The following XPNPEP1 variants were observed in gnomAD, a reference collection of about 807,000 sequenced individuals.
The protein encoded by XPNPEP1 is xaa-Pro aminopeptidase 1.
Under a neutral mutation model 92.4 loss-of-function variants are expected in XPNPEP1, and 39 were observed. That is an observed-to-expected ratio of 0.42 (90% CI 0.33 to 0.55). XPNPEP1 has a LOEUF of 0.55. Ranked by LOEUF, XPNPEP1 falls within the 20% of genes least tolerant of loss-of-function variation. The probability of loss-of-function intolerance (pLI) is 0.08; values close to 1 mark genes in which losing one functional copy is unlikely to be tolerated. For synonymous variants in XPNPEP1, 307 were observed against 299.4 expected, an observed-to-expected ratio of 1.03 and a Z score of -0.26; for missense variants, 654 against 856.1, an observed-to-expected ratio of 0.76 and a Z score of 2.95.
intron 16 of XPNPEP1, among the ~76,000 whole-genome samples, chr10:109,872,666 AG>A (rs1439609615): frequency 1.3e-5 from 2 of 152,272 alleles, no homozygotes; most frequent in Non-Finnish European, 2.9e-5. Context: ...ATCTTCCTGA[AG>A]GAGCTCTCTT....
chr10:109,880,916 T>A lies in XPNPEP1; in HGVS notation c.1057A>T (p.Met353Leu), dbSNP rs1848057025. The change falls in exon 11 of 21, where the codon ATG becomes TTG. Residue 353 changes from methionine to leucine, a missense_variant. By Grantham distance (15) the Met-to-Leu change is conservative. Coordinates refer to ENST00000502935, the MANE Select transcript of XPNPEP1 (RefSeq NM_020383.4). ...GCGATGCAGATGGGGGTGTAAGGCA[T>A]ACAGCAGCGGTGGTCCTAGAGGCAA... ...ETIPKDHRCC[M>L]PYTPICIAKA... is the part of the protein sequence containing the mutation. 4.3e-6 allele frequency: 7 copies of A among 1,613,852 alleles called. No individual in the cohort carries two copies. In the South Asian group the frequency reaches 6.6e-5, roughly 15 times the overall value.
Position 109,907,752 on chromosome 10 carries a change from T to G in XPNPEP1, c.185A>C (p.Asn62Thr). The change falls in exon 3 of 21, where the codon AAC (asparagine) becomes ACC (threonine). Residue 62 changes from asparagine to threonine, a missense_variant. Physicochemically the swap from Asn to Thr is moderately conservative, Grantham distance 65 (BLOSUM62 0). Transcript: ENST00000502935. ...LLRQLRQAMR[N>T]SEYVTEPIQA... ...GATCGGTTCGGTCACATACTCAGAG[T>G]TCCTCATGGCTTGTCTCAGCTGCCG... is the stretch of plus-strand genomic sequence containing the variant. 1.2e-6 allele frequency: 2 copies of G among 1,614,064 alleles called. No homozygotes were observed. Among genetic ancestry groups the G allele is most frequent in the Non-Finnish European group, 8.5e-7 (1 of 1,180,014 alleles).
intron 1 of XPNPEP1, chr10:109,915,315 T>C (rs1850124129): frequency 2.8e-6 from 1 of 356,944 alleles, no homozygotes; most frequent in Non-Finnish European, 5.0e-6. Flanking sequence ...TTGCAGCTTC[T>C]AGTTCATAAA....
intron 10 of XPNPEP1, among the ~76,000 whole-genome samples, chr10:109,881,925 G>A (rs1848122941): frequency 1.3e-5 from 2 of 152,288 alleles, no homozygotes; most frequent in South Asian, 4.1e-4. Flanking sequence ...AGCCTCAAGT[G>A]TCCTTAGCTA....
At position 109,891,711 on chromosome 10, in the gene XPNPEP1, C is replaced by T. The variant is rs1848712625; in HGVS notation, c.415+11G>A. The T allele has an allele frequency of 6.4e-7, 1 of 1,559,608 alleles. No individual in the cohort carries two copies. Among genetic ancestry groups the T allele is most frequent in the Non-Finnish European group, 8.6e-7 (1 of 1,159,064 alleles). Reference sequence around the variant, plus strand: ...GCCAACTAAGTTTGGGCTAGCCATGCCTGTACCCACCCATCTTCATAAGTG... The same window carrying T: ...GCCAACTAAGTTTGGGCTAGCCATGTCTGTACCCACCCATCTTCATAAGTG... On this transcript the variant is annotated intron_variant, in intron 5 of 20. Coordinates refer to ENST00000502935, the MANE Select transcript of XPNPEP1 (RefSeq NM_020383.4).
intron 3 of XPNPEP1, among the ~76,000 whole-genome samples, chr10:109,895,717 G>A (rs1431970849): frequency 6.6e-6 from 1 of 152,216 alleles, no homozygotes; most frequent in African/African-American, 2.4e-5. Flanking sequence ...TAGCATGCTA[G>A]GAAAAAGGCA....
chr10:109,903,476 T>C (rs1454029017), intron 3 of XPNPEP1, among the ~76,000 whole-genome samples: 1 of 152,108 alleles, frequency 6.6e-6, no homozygotes, highest in Non-Finnish European at 1.5e-5. Context: ...CACCATCTGC[T>C]CAACACTAAC....
chr10:109,910,531 C>T (rs976447385), intron 2 of XPNPEP1, among the ~76,000 whole-genome samples: 45 of 147,838 alleles, frequency 3.0e-4, no homozygotes, highest in African/African-American at 1.0e-3. Context: ...GCAACAAAAG[C>T]GAAACTCTGT....
intron 14 of XPNPEP1, 166 bp downstream of exon 14, chr10:109,877,624 T>C (rs990218368): frequency 7.1e-6 from 6 of 850,830 alleles, no homozygotes; most frequent in South Asian, 5.2e-5. Flanking sequence ...GGCTTGGGGA[T>C]TGGGAGAAAA....
At position 109,873,410 on chromosome 10, in the gene XPNPEP1, A is replaced by C; in HGVS notation, c.1409T>G (p.Val470Gly). The change falls in exon 16 of 21, where the codon GTG becomes GGG. Residue 470 changes from valine to glycine, a missense_variant. Val to Gly is a moderately radical substitution (Grantham distance 109). Transcript: ENST00000502935. The stretch of plus-strand genomic sequence containing the variant: ...GGTCCCAAAATGCATTGTCCGCGTC[A>C]CATCTGTGGTGCCATCCCTTTCCAA... ...GAQYKDGTTDVTRTMHFGTPT... is the reference protein window; with the variant it reads ...GAQYKDGTTDGTRTMHFGTPT... The C allele has an allele frequency of 6.2e-7, 1 of 1,614,156 alleles. No homozygotes were observed. Among genetic ancestry groups the C allele is most frequent in the Non-Finnish European group, 8.5e-7 (1 of 1,180,024 alleles).
intron 3 of XPNPEP1, among the ~76,000 whole-genome samples, chr10:109,898,384 TAG>T (rs1426410889): frequency 6.6e-6 from 1 of 152,204 alleles, no homozygotes; most frequent in Non-Finnish European, 1.5e-5. Context: ...CAATCGGCAA[TAG>T]TAGACAGATA....
At position 109,871,805 on chromosome 10, in the gene XPNPEP1, C is replaced by T. The variant is rs146223771; in HGVS notation, c.1509G>A (p.Pro503=). Reference sequence around the variant, plus strand: ...TGCACCACCTACCTTTGGTTCCAGTCGGGAAAACGGCTGCACTCACAGCTA... The same window carrying T: ...TGCACCACCTACCTTTGGTTCCAGTTGGGAAAACGGCTGCACTCACAGCTA... ...GHIAVSAAVF[P]TGTKGHLLDS... Residue 503 remains proline (P), a synonymous_variant, in exon 17 of 21, where the codon CCG becomes CCA. Coordinates refer to ENST00000502935, the MANE Select transcript of XPNPEP1 (RefSeq NM_020383.4). 947 of 1,613,846 alleles carry T rather than the reference C, an allele frequency of 5.9e-4. 2 individuals carry two copies. Among genetic ancestry groups the T allele is most frequent in the Non-Finnish European group, 7.7e-4 (912 of 1,180,006 alleles).
chr10:109,875,792 A>T, intron 14 of XPNPEP1, 193 bp from the exon 15 acceptor site: 1 of 512,772 alleles, frequency 2.0e-6, no homozygotes, highest in Non-Finnish European at 3.5e-6. Flanking sequence ...GATCCAATCA[A>T]CCTATCTCCC....
chr10:109,888,137 A>G lies in XPNPEP1; in HGVS notation c.564T>C (p.Pro188=). The change falls in exon 7 of 21, where the codon CCT becomes CCC. Residue 188 remains proline (P), a synonymous_variant. Transcript: ENST00000502935. ...TTTTGTCAACGAGGTTCTCCTTGAC[A>G]GGAATGAGGTGATGGCCGGCACTTC... ...VLRSAGHHLI[P]VKENLVDKIW... is the part of the protein sequence containing the mutation. The G allele has an allele frequency of 6.2e-7, 1 of 1,614,016 alleles. No individual in the cohort carries two copies.
At chr10:109,914,085 TAAA>T (rs11311514) in intron 2 of XPNPEP1, among the ~76,000 whole-genome samples, 1 of 145,652 alleles carries the variant, frequency 6.9e-6, no homozygotes, top group African/African-American at 2.5e-5. Context: ...TTCAGTCAGC[TAAA>T]AAAAAAAAAA....
chr10:109,883,034 T>C lies in XPNPEP1; in HGVS notation c.831-392A>G, dbSNP rs189342120. Among the ~76,000 whole-genome samples, 244 of 152,338 alleles carry C rather than the reference T, an allele frequency of 1.6e-3. 1 individual carries two copies. The highest frequency in any genetic ancestry group is 5.7e-3 in the African/African-American group (239 of 41,576). ...CTCTAAGTCTTTCCCCATCTACCGA[T>C]GTTTCAGTCATAATATTCTTTACAA... On this transcript the variant is annotated intron_variant, in intron 9 of 20. Coordinates refer to ENST00000502935, the MANE Select transcript of XPNPEP1 (RefSeq NM_020383.4).
In XPNPEP1 at chr10:109,875,401, C is replaced by T. The variant is rs1347847569; in HGVS notation, c.1391+127G>A. The T allele has an allele frequency of 2.2e-5, 16 of 726,762 alleles. No homozygotes were observed. The East Asian group carries it at 2.5e-4, about 11-fold the overall frequency. The allele number at this position is 726,762 out of a possible 1,614,324, so 45.0% of individuals were successfully genotyped here. A position where few individuals can be genotyped will look rare whatever the true frequency, so the allele number is the denominator to read the frequency against. On this transcript the variant is annotated intron_variant, in intron 15 of 20. Coordinates refer to ENST00000502935, the MANE Select transcript of XPNPEP1 (RefSeq NM_020383.4). ...TGAAAAAAATGACAAGACACAGGAA[C>T]GATTCCATTAGTGGCCAGCACAGAG... is the stretch of plus-strand genomic sequence containing the variant.
At chr10:109,875,695 A>G in intron 14 of XPNPEP1, 96 bp from the exon 15 acceptor site, 14 of 951,872 alleles carry the variant, frequency 1.5e-5, no homozygotes, top group Non-Finnish European at 2.2e-5. Flanking sequence ...CTATTCTTGC[A>G]ACTTACATAA....
intron 8 of XPNPEP1, among the ~76,000 whole-genome samples, chr10:109,884,784 G>A (rs1441809269): frequency 2.0e-5 from 3 of 152,240 alleles, no homozygotes; most frequent in African/African-American, 7.2e-5. Flanking sequence ...CAGTGATGTT[G>A]CTGAACGTCT....
Sources: allele counts gnomAD v4.1 joint callset (sites outside exome capture counted in the v4.1 genomes callset), GRCh38; gene constraint gnomAD v4.1.1; transcripts MANE v1.5; gene names NCBI Gene and HGNC (gene_info 2026-07-23, HGNC 2026-07-21).